Variants in ADGRF5 observed in about 807,000 individuals in gnomAD.
The protein encoded by ADGRF5 is adhesion G protein-coupled receptor F5.
A neutral mutation model predicts 132.3 loss-of-function variants in ADGRF5; 75 were observed. That is an observed-to-expected ratio of 0.57 (90% CI 0.47 to 0.69). The LOEUF is 0.69. Ranked by LOEUF, ADGRF5 falls within the 30% of genes least tolerant of loss-of-function variation. The pLI is 0.00. For synonymous variants in ADGRF5, 629 were observed against 597.6 expected (o/e 1.05, Z -0.77); for missense variants, 1,516 against 1,630.6 (o/e 0.93, Z 1.21).
At chr6:46,896,031 C>G in intron 3 of ADGRF5, among the ~76,000 whole-genome samples, 1 of 152,112 alleles carries the variant, frequency 6.6e-6, no homozygotes, top group Non-Finnish European at 1.5e-5. Context: ...TTCAAAATGT[C>G]TTTGGCGAGC....
At chr6:46,879,034 C>T (rs114319635) in intron 9 of ADGRF5, among the ~76,000 whole-genome samples, 1,596 of 152,214 alleles carry the variant, frequency 0.01, 35 homozygotes, top group African/African-American at 0.037. Flanking sequence ...GATACGTTCA[C>T]TCTCTTGATT....
intron 16 of ADGRF5, 75 bp from the exon 17 acceptor site, chr6:46,859,598 T>C (rs143997423): frequency 0.017 from 14,496 of 874,618 alleles, 172 homozygotes; most frequent in Non-Finnish European, 0.022. Context: ...AACATCTTCC[T>C]AGAAACTGAT....
chr6:46,935,614 A>T (rs2150939118), intron 1 of ADGRF5, among the ~76,000 whole-genome samples: 1 of 152,348 alleles, frequency 6.6e-6, no homozygotes, highest in Non-Finnish European at 1.5e-5. Flanking sequence ...AAGGAAGGCC[A>T]CGTGAATCCG....
intron 14 of ADGRF5, 96 bp downstream of exon 14, chr6:46,864,946 C>T (rs1258900834): frequency 2.4e-6 from 2 of 830,178 alleles, no homozygotes; most frequent in Admixed American, 4.5e-5. Flanking sequence ...GGGTATTTAA[C>T]ATATGTTTAT....
rs1404088231 is a variant in ADGRF5, at chr6:46,900,570, G to T, written c.103-487C>A. ...CTTAGAAATTATTTTTTCTACATCT[G>T]ATCCTTTTTCTCCTGGATGGTTCTA... On this transcript the variant is annotated intron_variant, in intron 2 of 20. Coordinates refer to ENST00000283296, the MANE Select transcript of ADGRF5 (RefSeq NM_001098518.2). 2.0e-5 allele frequency among the ~76,000 whole-genome samples: 3 copies of T among 152,002 alleles called. No individual in the cohort carries two copies. The East Asian group carries it at 5.8e-4, about 29-fold the overall frequency.
chr6:46,883,849 C>T (rs886466647), intron 5 of ADGRF5, among the ~76,000 whole-genome samples, 184 bp from the exon 6 acceptor site: 1 of 152,218 alleles, frequency 6.6e-6, no homozygotes, highest in Non-Finnish European at 1.5e-5. Context: ...TCAAGTGATG[C>T]TCCTGCCTCA....
intron 11 of ADGRF5, chr6:46,870,641 T>G (rs756920870): frequency 4.7e-6 from 1 of 211,322 alleles, no homozygotes; most frequent in Non-Finnish European, 9.8e-6. Flanking sequence ...AGCTATTTCT[T>G]TGAGTAAAAA....
At chr6:46,933,467 T>C (rs921374657) in intron 1 of ADGRF5, among the ~76,000 whole-genome samples, 2 of 152,224 alleles carry the variant, frequency 1.3e-5, no homozygotes, top group Admixed American at 6.5e-5. Context: ...TTTGTTACCC[T>C]CTTTATTCAC....
At chr6:46,950,099 G>GA (rs1214016304) in intron 1 of ADGRF5, among the ~76,000 whole-genome samples, 1 of 152,178 alleles carries the variant, frequency 6.6e-6, no homozygotes, top group Non-Finnish European at 1.5e-5. Flanking sequence ...CTTTGAGCGG[G>GA]AAGGGACCTT....
At chr6:46,878,111 G>A in intron 10 of ADGRF5, 91 bp downstream of exon 10, 1 of 821,006 alleles carries the variant, frequency 1.2e-6, no homozygotes, top group East Asian at 2.5e-5. Context: ...ACAGCCATCT[G>A]ACATTTCCCC....
rs2150806053 is a variant in ADGRF5, at chr6:46,868,936, A to G, written c.1568T>C (p.Leu523Pro). 1.1e-5 allele frequency: 17 copies of G among 1,613,698 alleles called. No homozygotes were observed. The highest frequency in any genetic ancestry group is 1.4e-5 in the Non-Finnish European group (17 of 1,179,596). ...YQRFYTTRRYLDGAESVLTVK... is the reference protein window; with the variant it reads ...YQRFYTTRRYPDGAESVLTVK... ...TGTCAGTACTGATTCTGCTCCATCA[A>G]GATACCTCCTCGTGGTATAAAATCT... is the stretch of plus-strand genomic sequence containing the variant. Residue 523 changes from leucine (L) to proline (P), a missense_variant, in exon 12 of 21, where the codon CTT (leucine) becomes CCT (proline). Physicochemically the swap from Leu to Pro is moderately conservative, Grantham distance 98. This residue lies in a region of ADGRF5 where 945 missense variants were observed against 929.4 expected (regional missense o/e 1.02). Transcript: ENST00000283296.
intron 1 of ADGRF5, 60 bp from the exon 2 acceptor site, chr6:46,906,846 G>T (rs755392652): frequency 7.6e-6 from 6 of 789,330 alleles, no homozygotes; most frequent in Non-Finnish European, 1.1e-5. Context: ...CAAGGAAAAA[G>T]AACTCGCAAG....
Position 46,879,994 on chromosome 6 carries a change from T to C in ADGRF5, c.860A>G (p.Asp287Gly). Residue 287 changes from aspartate (D) to glycine (G), a missense_variant, in exon 9 of 21, where the codon GAC (aspartate) becomes GGC (glycine). This residue lies in a region of ADGRF5 where 945 missense variants were observed against 929.4 expected (regional missense o/e 1.02). Coordinates refer to ENST00000283296, the MANE Select transcript of ADGRF5 (RefSeq NM_001098518.2). Reference protein sequence around the residue: ...FVTPEIIFEGDTVSLVCEKEV... With the variant: ...FVTPEIIFEGGTVSLVCEKEV... The stretch of plus-strand genomic sequence containing the variant: ...CTTTTCACACACCAGACTGACTGTG[T>C]CCCCTTCAAAGATGATTTCTGGTGT... 1 of 1,614,154 alleles carries C rather than the reference T, an allele frequency of 6.2e-7. No homozygotes were observed. Among genetic ancestry groups the C allele is most frequent in the Non-Finnish European group, 8.5e-7 (1 of 1,179,998 alleles).
chr6:46,857,431 A>G (rs497598), intron 17 of ADGRF5, among the ~76,000 whole-genome samples: 127,172 of 152,124 alleles, frequency 0.84, 54,953 homozygotes, highest in East Asian at 0.99. Flanking sequence ...TCCTTGGGCA[A>G]GTTTTTTTCT....
chr6:46,883,433 G>A (rs1772708992), intron 6 of ADGRF5, 126 bp downstream of exon 6: 3 of 637,992 alleles, frequency 4.7e-6, no homozygotes, highest in Middle Eastern at 2.4e-4. Flanking sequence ...CATCTCAGAT[G>A]TAAAAGAATA....
At chr6:46,907,452 G>C (rs1775504708) in intron 1 of ADGRF5, among the ~76,000 whole-genome samples, 1 of 151,962 alleles carries the variant, frequency 6.6e-6, no homozygotes. Flanking sequence ...CAATCCTCCT[G>C]CCTCAGCCTC....
chr6:46,878,856 C>T (rs891395329), intron 9 of ADGRF5, among the ~76,000 whole-genome samples: 11 of 152,160 alleles, frequency 7.2e-5, no homozygotes, highest in South Asian at 2.1e-4. Context: ...AGTTACAATG[C>T]GGCTATTACA....
intron 2 of ADGRF5, among the ~76,000 whole-genome samples, chr6:46,903,938 T>C (rs752611182): frequency 6.6e-6 from 1 of 152,164 alleles, no homozygotes; most frequent in Admixed American, 6.5e-5. Context: ...TTTATTCTCA[T>C]GTAGAGGAAA....
intron 11 of ADGRF5, chr6:46,870,710 C>A (rs1189358017): frequency 3.9e-6 from 1 of 258,662 alleles, no homozygotes; most frequent in Non-Finnish European, 8.0e-6. Flanking sequence ...AGATTCCAAA[C>A]TACCAGACTA....
Sources: gnomAD v4.1 joint callset for allele counts (sites outside exome capture counted in the v4.1 genomes callset) on GRCh38, gnomAD v4.1.1 for gene constraint, gnomAD v4.1.1 regional missense constraint, MANE v1.5 for transcripts, NCBI Gene and HGNC (gene_info 2026-07-23, HGNC 2026-07-21) for gene names.